The following FER variants were observed in gnomAD, a reference collection of about 807,000 sequenced individuals.
FER encodes the protein tyrosine-protein kinase Fer.
FER carries 63 observed loss-of-function variants against 111.0 expected under a neutral mutation model. That is an observed-to-expected ratio of 0.57 (90% CI 0.46 to 0.70). The LOEUF (loss-of-function observed/expected upper bound fraction) is 0.70, where lower values mean the gene tolerates loss of function less well. Among genes scored for constraint, FER ranks in the 30% least tolerant of loss-of-function variants. FER has a pLI of 0.00. For missense variants in FER, 914 were observed against 954.0 expected, an observed-to-expected ratio of 0.96 and a Z score of 0.55; for synonymous variants, 327 against 313.9, an observed-to-expected ratio of 1.04 and a Z score of -0.44.
intron 3 of FER, among the ~76,000 whole-genome samples, chr5:108,823,218 A>T (rs1315427226): frequency 6.6e-6 from 1 of 152,214 alleles, no homozygotes; most frequent in Non-Finnish European, 1.5e-5. Flanking sequence ...AATAATATGC[A>T]AGCTGTAGCA....
At chr5:108,817,103 CAAAAAAAAAAAAAAAAAAAAAA>C (rs70999913) in intron 3 of FER, among the ~76,000 whole-genome samples, 3 of 59,204 alleles carry the variant, frequency 5.1e-5, no homozygotes, top group Non-Finnish European at 9.0e-5. Context: ...GACACTGTCT[CAAAAAAAAAAAAAAAAAAAAAA>C]AAAAAAAAAA....
At chr5:108,814,514 T>G (rs1341675892) in intron 3 of FER, among the ~76,000 whole-genome samples, 1 of 152,194 alleles carries the variant, frequency 6.6e-6, no homozygotes, top group South Asian at 2.1e-4. Flanking sequence ...TACAAGGGTT[T>G]GTGATAAAGG....
chr5:108,781,451 C>G (rs2149996157), intron 2 of FER, among the ~76,000 whole-genome samples: 1 of 152,342 alleles, frequency 6.6e-6, no homozygotes, highest in East Asian at 1.9e-4. Flanking sequence ...CTCGGCCTCC[C>G]AAAGTGCTGG....
At chr5:109,063,054 T>C (rs1450323608) in intron 16 of FER, among the ~76,000 whole-genome samples, 2 of 152,206 alleles carry the variant, frequency 1.3e-5, no homozygotes, top group African/African-American at 4.8e-5. Context: ...GTTCATTTGG[T>C]TTATTTTAGG....
chr5:109,054,401 C>A (rs1773357276), intron 16 of FER, among the ~76,000 whole-genome samples: 1 of 152,086 alleles, frequency 6.6e-6, no homozygotes, highest in South Asian at 2.1e-4. Flanking sequence ...TTTTCATTTG[C>A]TTATTTGACG....
At chr5:109,139,336 C>G (rs1466796534) in intron 17 of FER, among the ~76,000 whole-genome samples, 1 of 123,388 alleles carries the variant, frequency 8.1e-6, no homozygotes, top group African/African-American at 3.2e-5. Context: ...GTCTTTACTT[C>G]TCCTTCTTTC....
chr5:108,780,976 T>C (rs960842015), intron 2 of FER, among the ~76,000 whole-genome samples: 3 of 152,146 alleles, frequency 2.0e-5, no homozygotes, highest in Admixed American at 2.0e-4. Context: ...TCTGTTACAG[T>C]GTTTTTGATC....
At chr5:109,169,169 T>C (rs1395594062) in intron 17 of FER, among the ~76,000 whole-genome samples, 1 of 152,174 alleles carries the variant, frequency 6.6e-6, no homozygotes, top group Non-Finnish European at 1.5e-5. Context: ...TAGGTAAATA[T>C]TTTTAAAAAC....
intron 5 of FER, among the ~76,000 whole-genome samples, chr5:108,854,583 A>G (rs1324073548): frequency 1.3e-5 from 2 of 152,198 alleles, no homozygotes; most frequent in African/African-American, 4.8e-5. Flanking sequence ...AAGAAATTTT[A>G]CCCAGTAGGT....
chr5:109,136,047 G>A (rs1033611216), intron 17 of FER, among the ~76,000 whole-genome samples: 1 of 151,954 alleles, frequency 6.6e-6, no homozygotes, highest in African/African-American at 2.4e-5. Context: ...CTTGAGGTCT[G>A]GAGTTTGAGA....
At chr5:109,052,394 C>T in intron 16 of FER, 5 of 1,553,954 alleles carry the variant, frequency 3.2e-6, no homozygotes, top group Non-Finnish European at 4.4e-6. Flanking sequence ...CACACCTTCC[C>T]TCCAGCAGTT....
chr5:108,915,307 T>C (rs1363160511), intron 10 of FER, among the ~76,000 whole-genome samples: 1 of 152,092 alleles, frequency 6.6e-6, no homozygotes, highest in Non-Finnish European at 1.5e-5. Flanking sequence ...ATCCCGTCTC[T>C]ACTAAAAATA....
chr5:108,947,439 C>T (rs1757136478), intron 11 of FER, among the ~76,000 whole-genome samples: 1 of 151,950 alleles, frequency 6.6e-6, no homozygotes, highest in Non-Finnish European at 1.5e-5. Context: ...TTTCCATTTT[C>T]CTAATGACTA....
intron 13 of FER, 30 bp downstream of exon 13, chr5:108,959,377 T>C (rs761656357): frequency 6.4e-7 from 1 of 1,556,118 alleles, no homozygotes; most frequent in Admixed American, 1.9e-5. Context: ...TTTGTCTGTT[T>C]GTTTTAAAAG....
At position 108,916,699 on chromosome 5, in the gene FER, G is replaced by A. The variant is rs546605277; in HGVS notation, c.1236+18851G>A. 5.8e-3 allele frequency among the ~76,000 whole-genome samples: 878 copies of A among 151,976 alleles called. 6 individuals carry two copies. The highest frequency in any genetic ancestry group is 0.02 in the African/African-American group (847 of 41,474). On this transcript the variant is annotated intron_variant, in intron 10 of 19. Transcript: ENST00000281092. The stretch of plus-strand genomic sequence containing the variant: ...ATTCATAGTCTTTGCTATTTATTAG[G>A]CCCCAGTGTAGGTGTGTTATTATAA...
intron 10 of FER, among the ~76,000 whole-genome samples, chr5:108,923,362 G>A (rs1183703760): frequency 1.3e-5 from 2 of 151,872 alleles, no homozygotes; most frequent in Admixed American, 1.3e-4. Flanking sequence ...TTTTTTGATT[G>A]CATCTAATTA....
intron 5 of FER, among the ~76,000 whole-genome samples, chr5:108,865,281 AC>A (rs1763927858): frequency 6.6e-6 from 1 of 152,146 alleles, no homozygotes; most frequent in African/African-American, 2.4e-5. Context: ...TTCTAAATAA[AC>A]AATCATGTCA....
intron 3 of FER, among the ~76,000 whole-genome samples, chr5:108,804,779 A>G (rs184617218): frequency 3.8e-4 from 58 of 152,266 alleles, no homozygotes; most frequent in Admixed American, 2.4e-3. Flanking sequence ...TATGTTCATC[A>G]TGGATATTGA....
At chr5:108,885,338 A>C (rs1333088088) in intron 9 of FER, among the ~76,000 whole-genome samples, 1 of 151,930 alleles carries the variant, frequency 6.6e-6, no homozygotes, top group Admixed American at 6.6e-5. Flanking sequence ...AACATCATCC[A>C]TTCTATTATA....
Sources: gnomAD v4.1 joint callset for allele counts (sites outside exome capture counted in the v4.1 genomes callset) on GRCh38, gnomAD v4.1.1 for gene constraint, MANE v1.5 for transcripts, NCBI Gene and HGNC (gene_info 2026-07-23, HGNC 2026-07-21) for gene names.